Variants in PTGFRN observed in about 807,000 individuals in gnomAD.
PTGFRN encodes prostaglandin F2 receptor negative regulator.
Under a neutral mutation model 83.2 loss-of-function variants are expected in PTGFRN, and 35 were observed. The ratio of observed to expected loss-of-function variants is 0.42; its 90% confidence interval spans 0.32 to 0.56. The LOEUF (loss-of-function observed/expected upper bound fraction) is 0.56, where lower values mean the gene tolerates loss of function less well. Ranked by LOEUF, PTGFRN falls within the 20% of genes least tolerant of loss-of-function variation. PTGFRN has a pLI of 0.11. For missense variants in PTGFRN, 1,051 were observed against 1,179.5 expected (o/e 0.89, Z 1.60); for synonymous variants, 519 against 498.6 (o/e 1.04, Z -0.55).
chr1:116,974,460 G>C (rs1651088317), intron 7 of PTGFRN, 137 bp downstream of exon 7: 1 of 618,028 alleles, frequency 1.6e-6, no homozygotes, highest in South Asian at 2.4e-5. Context: ...CCAGTACTTT[G>C]TACTCATTAA....
chr1:116,955,803 G>A (rs1650471401), intron 4 of PTGFRN, among the ~76,000 whole-genome samples: 1 of 152,170 alleles, frequency 6.6e-6, no homozygotes, highest in Non-Finnish European at 1.5e-5. Context: ...CCTGGCCCTG[G>A]GAAGAGTCCT....
intron 7 of PTGFRN, among the ~76,000 whole-genome samples, chr1:116,977,364 A>G (rs1450163392): frequency 6.6e-6 from 1 of 152,220 alleles, no homozygotes; most frequent in Non-Finnish European, 1.5e-5. Flanking sequence ...GCTCTGCACC[A>G]AGTGGACCTA....
intron 4 of PTGFRN, among the ~76,000 whole-genome samples, chr1:116,953,853 CTTTTT>C (rs531278323): frequency 1.5e-5 from 2 of 135,032 alleles, no homozygotes; most frequent in South Asian, 2.5e-4. Flanking sequence ...ATGAATATTT[CTTTTT>C]TTTTTTTTTT....
Position 116,910,200 on chromosome 1 carries a change from G to C in PTGFRN, c.-4G>C, listed in dbSNP as rs771059993. On this transcript the variant is annotated 5_prime_UTR_variant, in exon 1 of 9. Transcript: ENST00000393203. ...AGGGGGAGAGTCGCTCCCGCCGGGC[G>C]AGCATGGGGCGCCTGGCCTCGAGGC... 72 of 1,479,172 alleles carry C rather than the reference G, an allele frequency of 4.9e-5. No homozygotes were observed. Among genetic ancestry groups the C allele is most frequent in the Non-Finnish European group, 5.7e-5 (64 of 1,121,250 alleles). The allele number at this position is 1,479,172 out of a possible 1,614,324, so 91.6% of individuals were successfully genotyped here.
rs116441773 is a variant in PTGFRN, at chr1:116,963,210, C to T, written c.1639+1542C>T. Among the ~76,000 whole-genome samples the T allele has an allele frequency of 9.1e-3, 1,383 of 152,306 alleles. 16 individuals carry two copies. Among genetic ancestry groups the T allele is most frequent in the African/African-American group, 0.032 (1,338 of 41,558 alleles). On this transcript the variant is annotated intron_variant, in intron 5 of 8. Transcript: ENST00000393203. ...AGTGGTCACTTGTGACAAGTGGGCT[C>T]TTGGCACTGCGTGGGAATTATTCTG...
chr1:116,942,101 G>T lies in PTGFRN; in HGVS notation c.418+18G>T, dbSNP rs776174236. On this transcript the variant is annotated intron_variant, in intron 2 of 8. Transcript: ENST00000393203. ...GGTTAAAGGTACAGTCCTCACATGGGCTTGTTATGCCAGGGGCCAGACCTT... is the reference window on the plus strand; with the variant it reads ...GGTTAAAGGTACAGTCCTCACATGGTCTTGTTATGCCAGGGGCCAGACCTT... 2.6e-5 allele frequency: 42 copies of T among 1,591,322 alleles called. No homozygotes were observed. Among genetic ancestry groups the T allele is most frequent in the Non-Finnish European group, 3.5e-5 (41 of 1,165,468 alleles).
At chr1:116,957,963 G>A (rs1418124858) in intron 4 of PTGFRN, among the ~76,000 whole-genome samples, 1 of 151,684 alleles carries the variant, frequency 6.6e-6, no homozygotes. Flanking sequence ...TTTTTTTATG[G>A]CTGAATAGTA....
At chr1:116,976,952 C>T (rs1402029960) in intron 7 of PTGFRN, among the ~76,000 whole-genome samples, 1 of 152,150 alleles carries the variant, frequency 6.6e-6, no homozygotes, top group Non-Finnish European at 1.5e-5. Context: ...ACTCAAGACC[C>T]ATCAGTGTGC....
In PTGFRN at chr1:116,984,735, G is replaced by A; in HGVS notation, c.2223G>A (p.Lys741=). 1.2e-6 allele frequency: 2 copies of A among 1,614,188 alleles called. No homozygotes were observed. The highest frequency in any genetic ancestry group is 1.7e-6 in the Non-Finnish European group (2 of 1,180,028). The change falls in exon 8 of 9, where the codon AAG becomes AAA. Residue 741 remains lysine (K), a synonymous_variant. Coordinates refer to ENST00000393203, the MANE Select transcript of PTGFRN (RefSeq NM_020440.4). ...CGGTGCACTCTTTTGGCCTGGACAA[G>A]GCTCCTGTGCTCCTGTCTTCCCTGG... ...WFAVHSFGLD[K]APVLLSSLDR... is the part of the protein sequence containing the mutation.
intron 1 of PTGFRN, among the ~76,000 whole-genome samples, chr1:116,910,566 C>G (rs1649241501): frequency 6.6e-6 from 1 of 152,034 alleles, no homozygotes. Context: ...TACCTGTTGG[C>G]CGCCGGGAGC....
chr1:116,942,326 G>C (rs545247851), intron 2 of PTGFRN, among the ~76,000 whole-genome samples: 9 of 152,330 alleles, frequency 5.9e-5, no homozygotes, highest in Non-Finnish European at 5.9e-5. Flanking sequence ...ATGGTTCTGA[G>C]CCACCCTATG....
At position 116,961,853 on chromosome 1, in the gene PTGFRN, C is replaced by G. The variant is rs988379730; in HGVS notation, c.1639+185C>G. On this transcript the variant is annotated intron_variant, in intron 5 of 8. Coordinates refer to ENST00000393203, the MANE Select transcript of PTGFRN (RefSeq NM_020440.4). The surrounding 1 kb of genome is among the most constrained non-coding windows in gnomAD (Gnocchi z 5.4). ...CTCACTATCACCCCTCCTCTGTCCC[C>G]AAGCCCCAGAGAGGTCCCTCTCCAA... is the stretch of plus-strand genomic sequence containing the variant. 2.0e-5 allele frequency among the ~76,000 whole-genome samples: 3 copies of G among 152,200 alleles called. No individual in the cohort carries two copies. The highest frequency in any genetic ancestry group is 1.5e-5 in the Non-Finnish European group (1 of 68,026).
rs369371046 is a variant in PTGFRN at position 116,910,035 on chromosome 1, C to T, written c.-169C>T. ...GGGAGGGAGCGAGCGGAGCCAGGGG[C>T]GCACGTACGCCCCAGCGCTGGGATT... On this transcript the variant is annotated 5_prime_UTR_variant, in exon 1 of 9. Transcript: ENST00000393203. The T allele has an allele frequency of 6.6e-6, 5 of 754,336 alleles. No individual in the cohort carries two copies. The highest frequency in any genetic ancestry group is 3.1e-5 in the East Asian group (1 of 32,694). The allele number at this position is 754,336 out of a possible 1,614,324, so 46.7% of individuals were successfully genotyped here.
Position 116,919,460 on chromosome 1 carries a change from C to T in PTGFRN, c.49+9208C>T, listed in dbSNP as rs373130304. 1.1e-3 allele frequency among the ~76,000 whole-genome samples: 167 copies of T among 152,084 alleles called. 1 individual carries two copies. Among genetic ancestry groups the T allele is most frequent in the African/African-American group, 3.6e-3 (151 of 41,464 alleles). On this transcript the variant is annotated intron_variant, in intron 1 of 8. Transcript: ENST00000393203. ...TCACCCAGGCTGGAGTGTAATGTTG[C>T]AGTCATAGCCCACTGCAGCCTCAAC...
intron 1 of PTGFRN, among the ~76,000 whole-genome samples, chr1:116,917,061 G>A (rs1649422549): frequency 6.6e-6 from 1 of 152,058 alleles, no homozygotes; most frequent in Non-Finnish European, 1.5e-5. Flanking sequence ...GGTGTGAGTG[G>A]ACTTGTTAAA....
chr1:116,980,841 A>G (rs919147715), intron 7 of PTGFRN, among the ~76,000 whole-genome samples: 2 of 152,188 alleles, frequency 1.3e-5, no homozygotes, highest in Admixed American at 6.5e-5. Context: ...GTACCCTAGA[A>G]CTTAAAGTAT....
chr1:116,916,340 G>C (rs1649405157), intron 1 of PTGFRN, among the ~76,000 whole-genome samples: 1 of 152,186 alleles, frequency 6.6e-6, no homozygotes. Context: ...TGTGCCTAAG[G>C]GTTCCGGGCA....
At chr1:116,968,796 A>G (rs573220604) in intron 6 of PTGFRN, among the ~76,000 whole-genome samples, 1 of 152,208 alleles carries the variant, frequency 6.6e-6, no homozygotes, top group South Asian at 2.1e-4. Flanking sequence ...GAATTGAATC[A>G]TATTATATGT....
In PTGFRN at chr1:116,967,242, G is replaced by A. The variant is rs1292893409; in HGVS notation, c.1971G>A (p.Val657=). Residue 657 remains valine, a synonymous_variant, in exon 6 of 9, where the codon GTG becomes GTA. Transcript: ENST00000393203. ...ACGCAGGGCTGTACCGCTGCATGGT[G>A]ACAGCCTGGTCTCCTGTCAGGGGCA... The part of the protein sequence containing the change: ...VSDAGLYRCM[V]TAWSPVRGSL... 1 of 1,614,074 alleles carries A rather than the reference G, an allele frequency of 6.2e-7. No homozygotes were observed. The highest frequency in any genetic ancestry group is 8.5e-7 in the Non-Finnish European group (1 of 1,180,044).
Sources: allele counts gnomAD v4.1 joint callset (sites outside exome capture counted in the v4.1 genomes callset), GRCh38; gene constraint gnomAD v4.1.1; non-coding constraint Gnocchi (gnomAD v3.1); transcripts MANE v1.5; gene names NCBI Gene and HGNC (gene_info 2026-07-23, HGNC 2026-07-21).